Variants in SKAP2 observed in about 807,000 individuals in gnomAD.
SKAP2 encodes the protein src kinase-associated phosphoprotein 2.
A neutral mutation model predicts 54.9 loss-of-function variants in SKAP2; 28 were observed. That is an observed-to-expected ratio of 0.51 (90% CI 0.38 to 0.70). The LOEUF (loss-of-function observed/expected upper bound fraction) is 0.70, where lower values mean the gene tolerates loss of function less well. Ranked by LOEUF, SKAP2 falls within the 30% of genes least tolerant of loss-of-function variation. SKAP2 has a pLI of 0.00. For synonymous variants in SKAP2, 137 were observed against 134.3 expected, an observed-to-expected ratio of 1.02 and a Z score of -0.14; for missense variants, 356 against 424.1, an observed-to-expected ratio of 0.84 and a Z score of 1.41.
chr7:26,834,557 C>T (rs1325385205), intron 4 of SKAP2, among the ~76,000 whole-genome samples: 1 of 152,142 alleles, frequency 6.6e-6, no homozygotes, highest in African/African-American at 2.4e-5. Flanking sequence ...TCAGAAAATA[C>T]TATAAACACC....
At chr7:26,762,349 T>C (rs1562601148) in intron 4 of SKAP2, among the ~76,000 whole-genome samples, 1 of 152,132 alleles carries the variant, frequency 6.6e-6, no homozygotes, top group Non-Finnish European at 1.5e-5. Context: ...CATATGGAAA[T>C]CTTTTTGTTC....
intron 4 of SKAP2, among the ~76,000 whole-genome samples, chr7:26,828,986 G>A (rs1233616079): frequency 3.3e-5 from 5 of 151,934 alleles, no homozygotes; most frequent in East Asian, 1.9e-4. Flanking sequence ...CTAAGATCGC[G>A]CCATTGCACT....
At chr7:26,678,449 T>C (rs1786406465) in intron 11 of SKAP2, among the ~76,000 whole-genome samples, 1 of 151,182 alleles carries the variant, frequency 6.6e-6, no homozygotes, top group Non-Finnish European at 1.5e-5. Flanking sequence ...GTTCTTTTTT[T>C]TTTTTTTTTT....
rs533201634 is a variant in SKAP2, at chr7:26,706,990, G to A, written c.797-16628C>T. On this transcript the variant is annotated intron_variant, in intron 9 of 12. Transcript: ENST00000345317. ...TAAATAGCATTAAGCAGCTAATTGG[G>A]ATAATTTGCTTCATAAATTCAGCGG... is the stretch of plus-strand genomic sequence containing the variant. Among the ~76,000 whole-genome samples, 33 of 152,264 alleles carry A rather than the reference G, an allele frequency of 2.2e-4. No homozygotes were observed. The Middle Eastern group carries it at 0.01, about 47-fold the overall frequency.
intron 9 of SKAP2, among the ~76,000 whole-genome samples, chr7:26,693,205 G>A (rs937338252): frequency 7.2e-5 from 11 of 152,032 alleles, no homozygotes; most frequent in African/African-American, 2.4e-4. Context: ...GGTGGCAGGC[G>A]CTTGTAATCT....
In SKAP2 at chr7:26,864,525, C is replaced by A; in HGVS notation, c.-96G>T. 1.3e-6 allele frequency: 2 copies of A among 1,487,786 alleles called. No individual in the cohort carries two copies. Among genetic ancestry groups the A allele is most frequent in the Non-Finnish European group, 1.8e-6 (2 of 1,120,274 alleles). 92.2% of individuals were successfully genotyped at this position (1,487,786 alleles called of 1,614,324 possible). A position where few individuals can be genotyped will look rare whatever the true frequency, so the allele number is the denominator to read the frequency against. On this transcript the variant is annotated 5_prime_UTR_variant, in exon 1 of 13. Transcript: ENST00000345317. ...TGCGACCTAGACTCAGGCTAGCGGC[C>A]CGGATTAAGAACAGCGGGGCTACGA...
rs1786121791 is a variant in SKAP2 at position 26,667,325 on chromosome 7, T to C, written c.*2341A>G. ...TAACAAGCCATGTTGTTTAAATTTA[T>C]ATTAATGATATTATTATGATCTTGA... On this transcript the variant is annotated 3_prime_UTR_variant, in exon 13 of 13. Transcript: ENST00000345317. 1 of 152,194 alleles carries C rather than the reference T, an allele frequency of 6.6e-6. No individual in the cohort carries two copies. Among genetic ancestry groups the C allele is most frequent in the Non-Finnish European group, 1.5e-5 (1 of 68,020 alleles). The allele number at this position is 152,194 out of a possible 1,614,324, so 9.4% of individuals were successfully genotyped here.
intron 3 of SKAP2, among the ~76,000 whole-genome samples, chr7:26,846,534 A>G (rs1784924980): frequency 6.6e-6 from 1 of 152,172 alleles, no homozygotes; most frequent in Non-Finnish European, 1.5e-5. Context: ...ACATATCAAC[A>G]GTTCATTACT....
intron 4 of SKAP2, among the ~76,000 whole-genome samples, chr7:26,783,069 T>A (rs753116380): frequency 2.7e-4 from 41 of 152,310 alleles, no homozygotes; most frequent in Non-Finnish European, 4.9e-4. Context: ...CAGACCAGTA[T>A]CTAACTGCCC....
intron 4 of SKAP2, among the ~76,000 whole-genome samples, chr7:26,812,157 C>T (rs1784160432): frequency 6.6e-6 from 1 of 152,152 alleles, no homozygotes; most frequent in Non-Finnish European, 1.5e-5. Flanking sequence ...CTTGCAATAT[C>T]AAATCACTCA....
intron 4 of SKAP2, among the ~76,000 whole-genome samples, chr7:26,756,106 G>C (rs1388364142): frequency 6.6e-6 from 1 of 152,182 alleles, no homozygotes; most frequent in African/African-American, 2.4e-5. Flanking sequence ...AATGTAGAAA[G>C]ATGTCCACGA....
intron 4 of SKAP2, among the ~76,000 whole-genome samples, chr7:26,767,035 A>G (rs1292573526): frequency 1.3e-5 from 2 of 152,178 alleles, no homozygotes; most frequent in Admixed American, 1.3e-4. Flanking sequence ...ATAGTTTCAG[A>G]AGGAATAGTA....
chr7:26,668,779 C>A lies in SKAP2; in HGVS notation c.*887G>T, dbSNP rs1041742726. ...CTACCTTGTTCAAGCAATTCTCGTG[C>A]CTTGGCCTCCCAAGTAGCTGGGACT... On this transcript the variant is annotated 3_prime_UTR_variant, in exon 13 of 13. Transcript: ENST00000345317. The A allele has an allele frequency of 1.3e-5, 2 of 151,314 alleles. No individual in the cohort carries two copies. Among genetic ancestry groups the A allele is most frequent in the African/African-American group, 4.8e-5 (2 of 41,278 alleles). 9.4% of individuals were successfully genotyped at this position (151,314 alleles called of 1,614,324 possible). A position where few individuals can be genotyped will look rare whatever the true frequency, so the allele number is the denominator to read the frequency against.
At chr7:26,829,382 A>C (rs1157327553) in intron 4 of SKAP2, among the ~76,000 whole-genome samples, 2 of 152,102 alleles carry the variant, frequency 1.3e-5, no homozygotes, top group Non-Finnish European at 2.9e-5. Context: ...AAAAAATTAA[A>C]TTAATTTATA....
chr7:26,810,739 T>C (rs1784125391), intron 4 of SKAP2, among the ~76,000 whole-genome samples: 1 of 152,178 alleles, frequency 6.6e-6, no homozygotes, highest in African/African-American at 2.4e-5. Context: ...TGGAGTCCAG[T>C]GGTGCGATCT....
intron 4 of SKAP2, among the ~76,000 whole-genome samples, chr7:26,831,683 C>T (rs1490836100): frequency 1.3e-5 from 2 of 152,146 alleles, no homozygotes; most frequent in Non-Finnish European, 1.5e-5. Flanking sequence ...CTTAATTTGA[C>T]AGATGAGAAG....
At chr7:26,697,216 G>C (rs1261984406) in intron 9 of SKAP2, among the ~76,000 whole-genome samples, 1 of 152,126 alleles carries the variant, frequency 6.6e-6, no homozygotes, top group South Asian at 2.1e-4. Flanking sequence ...TCTGTGCACC[G>C]CAGACATTTC....
chr7:26,735,354 A>C lies in SKAP2; in HGVS notation c.469+3441T>G, dbSNP rs188062254. On this transcript the variant is annotated intron_variant, in intron 6 of 12. Coordinates refer to ENST00000345317, the MANE Select transcript of SKAP2 (RefSeq NM_003930.5). Reference sequence around the variant, plus strand: ...AAGGAAGGATATGAAAGGATGAATAAGATTTCATAAGGTGTTAAAATACAT... The same window carrying C: ...AAGGAAGGATATGAAAGGATGAATACGATTTCATAAGGTGTTAAAATACAT... 3.3e-3 allele frequency among the ~76,000 whole-genome samples: 501 copies of C among 152,340 alleles called. 5 individuals are homozygous for C. Among genetic ancestry groups the C allele is most frequent in the Non-Finnish European group, 3.9e-3 (267 of 68,034 alleles).
At chr7:26,843,914 G>T (rs1025746905) in intron 4 of SKAP2, 116 bp downstream of exon 4, 2 of 636,570 alleles carry the variant, frequency 3.1e-6, no homozygotes, top group Non-Finnish European at 5.5e-6. Flanking sequence ...AAAGGTTTTG[G>T]TAAAGGTAAG....
Sources: allele counts gnomAD v4.1 joint callset (sites outside exome capture counted in the v4.1 genomes callset), GRCh38; gene constraint gnomAD v4.1.1; transcripts MANE v1.5; gene names NCBI Gene and HGNC (gene_info 2026-07-23, HGNC 2026-07-21).